The following DAP3 variants were observed in gnomAD, a reference collection of about 807,000 sequenced individuals.
The protein encoded by DAP3 is small ribosomal subunit protein mS29.
Under a neutral mutation model 51.9 loss-of-function variants are expected in DAP3, and 28 were observed. The ratio of observed to expected loss-of-function variants is 0.54; its 90% CI spans 0.40 to 0.74. The LOEUF is 0.74. Among genes scored for constraint, DAP3 ranks in the 30% least tolerant of loss-of-function variants. The pLI is 0.00. For missense variants in DAP3, 458 were observed against 483.5 expected (o/e 0.95, Z 0.49); for synonymous variants, 170 against 170.3 (o/e 1.00, Z 0.01).
intron 3 of DAP3, among the ~76,000 whole-genome samples, chr1:155,718,640 C>T (rs1345254486): frequency 3.3e-5 from 5 of 149,798 alleles, no homozygotes; most frequent in African/African-American, 9.9e-5. Flanking sequence ...GAGCTGAGAT[C>T]GTGCTACTGC....
chr1:155,703,978 T>C (rs1305343204), intron 1 of DAP3, among the ~76,000 whole-genome samples: 2 of 152,074 alleles, frequency 1.3e-5, no homozygotes, highest in Middle Eastern at 3.2e-3. Flanking sequence ...CCAGACCCCA[T>C]CTCTGTAAAA....
upstream of DAP3, chr1:155,688,234 G>A: frequency 6.2e-7 from 1 of 1,612,596 alleles, no homozygotes; most frequent in East Asian, 2.2e-5. Context: ...GAAGGGAAAG[G>A]TGGAGGGCTA....
At chr1:155,717,158 T>C in intron 3 of DAP3, 30 bp downstream of exon 3, 1 of 1,601,514 alleles carries the variant, frequency 6.2e-7, no homozygotes, top group Non-Finnish European at 8.5e-7. Flanking sequence ...ATGGGGTTTC[T>C]CAGGGCTTAT....
chr1:155,695,196 G>T (rs1654357318), intron 1 of DAP3, among the ~76,000 whole-genome samples: 1 of 152,226 alleles, frequency 6.6e-6, no homozygotes, highest in African/African-American at 2.4e-5. Flanking sequence ...ATGTGTTGTA[G>T]TCTGGCTGGT....
At chr1:155,732,057 T>G in intron 11 of DAP3, 24 bp downstream of exon 11, 1 of 1,582,954 alleles carries the variant, frequency 6.3e-7, no homozygotes, top group Non-Finnish European at 8.6e-7. Context: ...AAAATTTGTT[T>G]CTACTTAGAT....
intron 2 of DAP3, among the ~76,000 whole-genome samples, chr1:155,713,048 C>G (rs1656909410): frequency 6.6e-6 from 1 of 152,080 alleles, no homozygotes; most frequent in Non-Finnish European, 1.5e-5. Flanking sequence ...TTTTGCTGTT[C>G]CTGTCTTTCA....
chr1:155,702,820 A>G (rs938239974), intron 1 of DAP3, among the ~76,000 whole-genome samples: 1 of 152,036 alleles, frequency 6.6e-6, no homozygotes, highest in Non-Finnish European at 1.5e-5. Flanking sequence ...AATACAAAAA[A>G]TTAGCCAGGC....
intron 1 of DAP3, among the ~76,000 whole-genome samples, chr1:155,691,544 T>C (rs1653820451): frequency 7.0e-6 from 1 of 141,990 alleles, no homozygotes; most frequent in Non-Finnish European, 1.5e-5. Flanking sequence ...ATAATACTGC[T>C]ACGAACATTT....
chr1:155,731,970 G>A lies in DAP3; in HGVS notation c.930G>A (p.Leu310=), dbSNP rs79717735. The A allele has an allele frequency of 1.9e-6, 3 of 1,611,688 alleles. No homozygotes were observed. Among genetic ancestry groups the A allele is most frequent in the African/African-American group, 1.3e-5 (1 of 74,772 alleles). The change falls in exon 11 of 13, where the codon TTG becomes TTA. Residue 310 remains leucine (L), a synonymous_variant. Coordinates refer to ENST00000368336, the MANE Select transcript of DAP3 (RefSeq NM_004632.4). ...ATGGAGGCGCCATTGTGTCGGCTTTGAGCCAGACTGGGTCTCTCTTTAAGC... is the reference window on the plus strand; with the variant it reads ...ATGGAGGCGCCATTGTGTCGGCTTTAAGCCAGACTGGGTCTCTCTTTAAGC... ...DWHGGAIVSA[L]SQTGSLFKPR...
In DAP3 at chr1:155,736,971, T is replaced by G. The variant is rs1161147412; in HGVS notation, c.1019T>G (p.Phe340Cys). 2 of 1,614,140 alleles carry G rather than the reference T, an allele frequency of 1.2e-6. No individual in the cohort carries two copies. The highest frequency in any genetic ancestry group is 1.7e-6 in the Non-Finnish European group (2 of 1,179,988). The change falls in exon 12 of 13, where the codon TTT (phenylalanine) becomes TGT (cysteine). Residue 340 changes from phenylalanine (F) to cysteine (C), a missense_variant. Phe to Cys is a radical substitution (Grantham distance 205). Coordinates refer to ENST00000368336, the MANE Select transcript of DAP3 (RefSeq NM_004632.4). ...GKEGFDALDP[F>C]IPILVSNYNP... is the part of the protein sequence containing the mutation. Reference sequence around the variant, plus strand: ...GAAGGATTTGATGCCCTGGATCCCTTTATTCCCATCCTGGTTTCCAACTAT... The same window carrying G: ...GAAGGATTTGATGCCCTGGATCCCTGTATTCCCATCCTGGTTTCCAACTAT...
chr1:155,726,113 CTTTTTT>C (rs377658512), intron 6 of DAP3, 94 bp downstream of exon 6: 15 of 676,622 alleles, frequency 2.2e-5, no homozygotes, highest in Non-Finnish European at 2.8e-5. Context: ...CTTTTCTTTT[CTTTTTT>C]TTTTTTTTTT....
At chr1:155,709,934 T>C in intron 2 of DAP3, 110 bp downstream of exon 2, 2 of 951,472 alleles carry the variant, frequency 2.1e-6, no homozygotes, top group Non-Finnish European at 3.2e-6. Flanking sequence ...GAAAACTTCA[T>C]ATGTAACAGG....
In DAP3 at chr1:155,727,654, C is replaced by T; in HGVS notation, c.519C>T (p.Tyr173=). 6.2e-7 allele frequency: 1 copy of T among 1,613,658 alleles called. No individual in the cohort carries two copies. Among genetic ancestry groups the T allele is most frequent in the African/African-American group, 1.3e-5 (1 of 74,962 alleles). ...GTCGGGATCTTCTGCAGTCCAGCTA[C>T]AACAAACAGCGCTTTGATCAACCTT... The part of the protein sequence containing the change: ...KNCRDLLQSS[Y]NKQRFDQPLE... Residue 173 remains tyrosine (Y), a synonymous_variant, in exon 7 of 13, where the codon TAC becomes TAT. Transcript: ENST00000368336.
At chr1:155,721,469 C>G in intron 3 of DAP3, 48 bp from the exon 4 acceptor site, 1 of 1,569,146 alleles carries the variant, frequency 6.4e-7, no homozygotes, top group Non-Finnish European at 8.8e-7. Flanking sequence ...AAAAGAAAGT[C>G]TTGGTCACTT....
intron 1 of DAP3, among the ~76,000 whole-genome samples, chr1:155,704,745 T>C (rs6663016): frequency 0.015 from 2,225 of 152,228 alleles, 59 homozygotes; most frequent in African/African-American, 0.051. Flanking sequence ...TTTGGGGGGC[T>C]GAGGCGGGAG....
chr1:155,730,873 G>A (rs1423934791), intron 9 of DAP3, among the ~76,000 whole-genome samples: 1 of 152,130 alleles, frequency 6.6e-6, no homozygotes, highest in Non-Finnish European at 1.5e-5. Context: ...CTCAGTGACT[G>A]TTAATCTCCA....
chr1:155,692,066 A>G (rs1228053751), intron 1 of DAP3, among the ~76,000 whole-genome samples: 3 of 141,856 alleles, frequency 2.1e-5, no homozygotes, highest in East Asian at 1.9e-4. Flanking sequence ...CGTCATACAC[A>G]TAATCTGTAG....
intron 12 of DAP3, among the ~76,000 whole-genome samples, chr1:155,737,394 C>G (rs952231752): frequency 6.6e-6 from 1 of 152,178 alleles, no homozygotes; most frequent in African/African-American, 2.4e-5. Context: ...TGGAGAGACT[C>G]ATGCTGGGAC....
In DAP3 at chr1:155,714,077, G is replaced by C. The variant is rs901104254; in HGVS notation, c.46-2929G>C. Among the ~76,000 whole-genome samples the C allele has an allele frequency of 5.9e-5, 9 of 152,176 alleles. No homozygotes were observed. In the East Asian group the frequency reaches 1.7e-3, roughly 29 times the overall value. ...GGAGAGAGGGAAGTTGAAGTAGAAT[G>C]AGCAGAAGTATAGAGGCATAAAAGT... On this transcript the variant is annotated intron_variant, in intron 2 of 12. Transcript: ENST00000368336.
Sources: allele counts gnomAD v4.1 joint callset (sites outside exome capture counted in the v4.1 genomes callset), GRCh38; gene constraint gnomAD v4.1.1; transcripts MANE v1.5; gene names NCBI Gene and HGNC (gene_info 2026-07-23, HGNC 2026-07-21).